The following TNFRSF19 variants were observed in gnomAD, a reference collection of about 807,000 sequenced individuals.
TNFRSF19 encodes TNF receptor superfamily member 19.
In TNFRSF19, 27 loss-of-function variants were observed where a neutral mutation model predicts 46.4. The ratio of observed to expected loss-of-function variants is 0.58; its 90% CI spans 0.43 to 0.80. The LOEUF is 0.80. TNFRSF19 is among the 30% of genes least tolerant of loss of function. TNFRSF19 has a pLI of 0.00. For synonymous variants in TNFRSF19, 204 were observed against 205.0 expected (o/e 1.00, Z 0.04); for missense variants, 511 against 530.8 (o/e 0.96, Z 0.37).
At chr13:23,629,595 C>A (rs909284891) in intron 5 of TNFRSF19, among the ~76,000 whole-genome samples, 3 of 152,200 alleles carry the variant, frequency 2.0e-5, no homozygotes, top group Non-Finnish European at 4.4e-5. Flanking sequence ...GGTTGTATTG[C>A]CAGAAGTGTT....
intron 5 of TNFRSF19, among the ~76,000 whole-genome samples, chr13:23,635,877 T>C (rs1002150697): frequency 1.3e-5 from 2 of 152,200 alleles, no homozygotes; most frequent in Non-Finnish European, 2.9e-5. Flanking sequence ...TACTGAAATA[T>C]AATGTATATA....
Position 23,581,148 on chromosome 13 carries a change from A to G in TNFRSF19, c.-34-9002A>G, listed in dbSNP as rs1377409565. 6.5e-5 allele frequency among the ~76,000 whole-genome samples: 8 copies of G among 123,816 alleles called. No homozygotes were observed. The South Asian group carries it at 2.1e-3, about 32-fold the overall frequency. 81.2% of individuals were successfully genotyped at this position (123,816 alleles called of 152,430 possible). On this transcript the variant is annotated intron_variant, in intron 1 of 9. Coordinates refer to ENST00000248484, the MANE Select transcript of TNFRSF19 (RefSeq NM_148957.4). ...TTTTCTTTTCTTTTTTTTTTTTTGA[A>G]ACGGAGTCTCGCTCTGTCACCCAGG...
intron 1 of TNFRSF19, among the ~76,000 whole-genome samples, chr13:23,572,096 C>T (rs1460339103): frequency 6.6e-6 from 1 of 152,068 alleles, no homozygotes; most frequent in African/African-American, 2.4e-5. Context: ...ACACTTTCCT[C>T]TTGATACTAG....
chr13:23,616,078 TTTAA>T (rs1381330665), intron 4 of TNFRSF19, 33 bp downstream of exon 4: 1 of 1,554,318 alleles, frequency 6.4e-7, no homozygotes, highest in Non-Finnish European at 8.7e-7. Flanking sequence ...CTTGTAATTA[TTTAA>T]TTAAGTAACT....
intron 9 of TNFRSF19, chr13:23,669,823 T>A: frequency 1.8e-6 from 1 of 563,860 alleles, no homozygotes; most frequent in Non-Finnish European, 2.2e-6. Context: ...GAATTTGACC[T>A]AATGTTTGTA....
chr13:23,614,021 A>G (rs1032795261), intron 3 of TNFRSF19, among the ~76,000 whole-genome samples: 5 of 152,350 alleles, frequency 3.3e-5, no homozygotes, highest in African/African-American at 9.6e-5. Flanking sequence ...CCTCCTCTGA[A>G]AGAGATAATC....
intron 5 of TNFRSF19, among the ~76,000 whole-genome samples, chr13:23,647,038 T>C (rs866332833): frequency 5.9e-5 from 9 of 152,364 alleles, no homozygotes; most frequent in South Asian, 2.1e-4. Flanking sequence ...TAATTATTAA[T>C]GGTGAGCATC....
Position 23,660,259 on chromosome 13 carries a change from T to C in TNFRSF19, c.611-106T>C. ...CCATGTAAGAAGAAGTCATCAAACA[T>C]TGGAAGGATAGCTGATTTGTTCTTT... On this transcript the variant is annotated intron_variant, in intron 6 of 9. Coordinates refer to ENST00000248484, the MANE Select transcript of TNFRSF19 (RefSeq NM_148957.4). The C allele has an allele frequency of 2.6e-6, 3 of 1,169,376 alleles. No homozygotes were observed. In the South Asian group the frequency reaches 5.0e-5, roughly 19 times the overall value. 72.4% of individuals were successfully genotyped at this position (1,169,376 alleles called of 1,614,324 possible). A position where few individuals can be genotyped will look rare whatever the true frequency, so the allele number is the denominator to read the frequency against.
rs528277075 is a variant in TNFRSF19, at chr13:23,624,429, A to G, written c.360-2278A>G. ...TTATATATCCTTTGAAAAGATTGTC[A>G]TAATCAAGTGAAAATAGAATGTTGA... On this transcript the variant is annotated intron_variant, in intron 4 of 9. Coordinates refer to ENST00000248484, the MANE Select transcript of TNFRSF19 (RefSeq NM_148957.4). Among the ~76,000 whole-genome samples, 6 of 152,204 alleles carry G rather than the reference A, an allele frequency of 3.9e-5. No homozygotes were observed. In the South Asian group the frequency reaches 1.2e-3, roughly 32 times the overall value.
At chr13:23,646,252 A>G (rs1465171909) in intron 5 of TNFRSF19, among the ~76,000 whole-genome samples, 4 of 152,160 alleles carry the variant, frequency 2.6e-5, no homozygotes, top group Admixed American at 1.3e-4. Context: ...ATCACTTCCT[A>G]TTAGCTTTCT....
chr13:23,605,063 A>G (rs79549845), intron 3 of TNFRSF19, among the ~76,000 whole-genome samples: 2,504 of 152,320 alleles, frequency 0.016, 70 homozygotes, highest in African/African-American at 0.056. Flanking sequence ...TTTGTAAAAG[A>G]TATCTGAAAA....
chr13:23,609,225 A>T (rs991180440), intron 3 of TNFRSF19, among the ~76,000 whole-genome samples: 1 of 152,230 alleles, frequency 6.6e-6, no homozygotes, highest in Non-Finnish European at 1.5e-5. Context: ...TTGAAAGTGT[A>T]TGAGAAAGAT....
At chr13:23,594,292 G>C (rs1254262556) in intron 3 of TNFRSF19, 3 of 452,192 alleles carry the variant, frequency 6.6e-6, no homozygotes, top group Non-Finnish European at 1.3e-5. Flanking sequence ...AAGCCAGGGA[G>C]ACAAATGGTC....
chr13:23,638,608 C>G (rs935611082), intron 5 of TNFRSF19, among the ~76,000 whole-genome samples: 1 of 152,206 alleles, frequency 6.6e-6, no homozygotes, highest in African/African-American at 2.4e-5. Context: ...GAGCAGAAAT[C>G]AAGTTTGGTT....
At chr13:23,593,920 CT>C (rs1193036014) in intron 3 of TNFRSF19, among the ~76,000 whole-genome samples, 15 of 152,086 alleles carry the variant, frequency 9.9e-5, no homozygotes, top group African/African-American at 2.9e-4. Flanking sequence ...CTCATTGGGA[CT>C]GGTTAGACAG....
Position 23,667,992 on chromosome 13 carries a change from T to C in TNFRSF19, c.749T>C (p.Leu250Ser). 1 of 1,607,704 alleles carries C rather than the reference T, an allele frequency of 6.2e-7. No individual in the cohort carries two copies. The highest frequency in any genetic ancestry group is 8.5e-7 in the Non-Finnish European group (1 of 1,177,208). ...DSVQTCGPVR[L>S]LPSMCCEEAC... ...CTGTCTTCCCTAGGGCCGGTGCGCTTGCTCCCATCCATGTGCTGTGAGGAG... is the reference window on the plus strand; with the variant it reads ...CTGTCTTCCCTAGGGCCGGTGCGCTCGCTCCCATCCATGTGCTGTGAGGAG... Residue 250 changes from leucine to serine, a missense_variant, in exon 8 of 10, where the codon TTG (leucine) becomes TCG (serine). Leu to Ser is a moderately radical substitution (Grantham distance 145, BLOSUM62 -2). Coordinates refer to ENST00000248484, the MANE Select transcript of TNFRSF19 (RefSeq NM_148957.4).
chr13:23,652,116 A>T (rs1373762997), intron 5 of TNFRSF19, among the ~76,000 whole-genome samples: 1 of 152,078 alleles, frequency 6.6e-6, no homozygotes, highest in East Asian at 1.9e-4. Flanking sequence ...GGTAGCTGTG[A>T]TGGTGTTGAT....
chr13:23,650,744 C>T (rs1172809570), intron 5 of TNFRSF19, among the ~76,000 whole-genome samples: 2 of 152,066 alleles, frequency 1.3e-5, no homozygotes, highest in Non-Finnish European at 2.9e-5. Flanking sequence ...AATTTTAAAT[C>T]AGTTCAATTT....
At chr13:23,658,289 C>A (rs1379286803) in intron 5 of TNFRSF19, among the ~76,000 whole-genome samples, 1 of 152,140 alleles carries the variant, frequency 6.6e-6, no homozygotes, top group African/African-American at 2.4e-5. Context: ...ACTATTATTA[C>A]CTCCATTTGA....
Sources: gnomAD v4.1 joint callset for allele counts (sites outside exome capture counted in the v4.1 genomes callset) on GRCh38, gnomAD v4.1.1 for gene constraint, MANE v1.5 for transcripts, NCBI Gene and HGNC (gene_info 2026-07-23, HGNC 2026-07-21) for gene names.